KLHL32: variants seen among roughly 807,000 people sequenced by gnomAD.
KLHL32 encodes the protein kelch like family member 32, also known as kelch-like protein 32.
A neutral mutation model predicts 64.8 loss-of-function variants in KLHL32; 35 were observed. The observed-to-expected ratio is 0.54, with a 90% CI of 0.41 to 0.72. The LOEUF is 0.72. KLHL32 is among the 30% of genes least tolerant of loss of function. KLHL32 has a pLI of 0.00. For synonymous variants in KLHL32, 259 were observed against 281.0 expected, an observed-to-expected ratio of 0.92 and a Z score of 0.78; for missense variants, 589 against 768.5, an observed-to-expected ratio of 0.77 and a Z score of 2.76.
chr6:96,951,842 A>C (rs777158637), intron 1 of KLHL32, among the ~76,000 whole-genome samples: 1 of 152,120 alleles, frequency 6.6e-6, no homozygotes, highest in Non-Finnish European at 1.5e-5. Flanking sequence ...AACTGCTTTC[A>C]ATTATTTTAG....
intron 3 of KLHL32, among the ~76,000 whole-genome samples, chr6:97,023,043 A>G (rs1307652995): frequency 6.6e-6 from 1 of 152,204 alleles, no homozygotes; most frequent in Admixed American, 6.5e-5. Context: ...TGTCATGAGA[A>G]CATCATGGGG....
At chr6:96,926,411 A>G (rs1319656307) in intron 1 of KLHL32, among the ~76,000 whole-genome samples, 1 of 152,224 alleles carries the variant, frequency 6.6e-6, no homozygotes, top group African/African-American at 2.4e-5. Context: ...AACATTTTAC[A>G]TTACAGTGTA....
chr6:97,089,780 A>T (rs1424383116), intron 6 of KLHL32, among the ~76,000 whole-genome samples: 1 of 62,192 alleles, frequency 1.6e-5, no homozygotes, highest in Non-Finnish European at 3.6e-5. Flanking sequence ...ACTCCAGCTA[A>T]AAAAAAAAAA....
chr6:97,096,187 G>C (rs1348632220), intron 6 of KLHL32, among the ~76,000 whole-genome samples: 1 of 152,124 alleles, frequency 6.6e-6, no homozygotes, highest in Non-Finnish European at 1.5e-5. Context: ...TGAGTAAAGA[G>C]GTTAAAAGCC....
At chr6:97,057,412 G>T (rs1178437500) in intron 4 of KLHL32, among the ~76,000 whole-genome samples, 4 of 90,426 alleles carry the variant, frequency 4.4e-5, no homozygotes, top group Non-Finnish European at 6.1e-5. Flanking sequence ...TCGATCTCCT[G>T]ACCTCGTGAT....
intron 3 of KLHL32, among the ~76,000 whole-genome samples, chr6:97,005,142 A>G (rs1779501270): frequency 6.6e-6 from 1 of 151,982 alleles, no homozygotes; most frequent in South Asian, 2.1e-4. Flanking sequence ...GCTTTTTATT[A>G]CTGATTTAAT....
intron 1 of KLHL32, among the ~76,000 whole-genome samples, chr6:96,930,404 C>T (rs2127989775): frequency 6.6e-6 from 1 of 152,270 alleles, no homozygotes; most frequent in Non-Finnish European, 1.5e-5. Context: ...AGTTACATAT[C>T]CCCTCTAACT....
chr6:96,913,175 C>T, the KLHL32 span, among the ~76,000 whole-genome samples: 27 of 152,328 alleles, frequency 1.8e-4, no homozygotes, highest in Admixed American at 5.2e-4. Context: ...TTTGACAGTA[C>T]TGTCCAGTTT....
At position 97,140,738 on chromosome 6, in the gene KLHL32, A is replaced by ATCTT. The variant is rs1420617319; in HGVS notation, c.*1458_*1461dup. On this transcript the variant is annotated 3_prime_UTR_variant, in exon 11 of 11. Transcript: ENST00000369261. ...TTGTAATCAAAAGTGAATAAAAACGATCTTTTTGTCTTACAGAATTCACTA... is the reference window on the plus strand; with the variant it reads ...TTGTAATCAAAAGTGAATAAAAACGATCTTTCTTTTTGTCTTACAGAATTCACTA... 2 of 152,094 alleles carry ATCTT rather than the reference A, an allele frequency of 1.3e-5. No homozygotes were observed. The highest frequency in any genetic ancestry group is 4.8e-5 in the African/African-American group (2 of 41,580). The allele number at this position is 152,094 out of a possible 1,614,324, so 9.4% of individuals were successfully genotyped here. A position where few individuals can be genotyped will look rare whatever the true frequency, so the allele number is the denominator to read the frequency against.
intron 6 of KLHL32, among the ~76,000 whole-genome samples, chr6:97,088,847 A>G (rs1034541856): frequency 4.6e-5 from 7 of 152,246 alleles, no homozygotes; most frequent in African/African-American, 1.4e-4. Context: ...TTTCATTTCC[A>G]TAGGAAGTGC....
At chr6:96,976,273 A>AC in intron 3 of KLHL32, 96 bp downstream of exon 3, 2 of 1,192,866 alleles carry the variant, frequency 1.7e-6, no homozygotes, top group Non-Finnish European at 2.3e-6. Context: ...ATTAGGTGGT[A>AC]CCCCCAGAGC....
intron 6 of KLHL32, among the ~76,000 whole-genome samples, chr6:97,088,904 T>C (rs1422823793): frequency 6.6e-6 from 1 of 152,228 alleles, no homozygotes; most frequent in Non-Finnish European, 1.5e-5. Context: ...TCCTGCCTCT[T>C]CTGCCTTTAG....
chr6:96,989,098 G>A (rs944016386), intron 3 of KLHL32, among the ~76,000 whole-genome samples: 2 of 152,132 alleles, frequency 1.3e-5, no homozygotes, highest in Non-Finnish European at 2.9e-5. Flanking sequence ...AAAATTTAAA[G>A]TATAATAAAA....
At chr6:96,963,013 A>T (rs993843575) in intron 1 of KLHL32, among the ~76,000 whole-genome samples, 10 of 152,230 alleles carry the variant, frequency 6.6e-5, no homozygotes, top group African/African-American at 2.4e-4. Flanking sequence ...TGTTAAATGA[A>T]AACCACTATG....
intron 1 of KLHL32, among the ~76,000 whole-genome samples, chr6:96,943,152 A>G (rs1771530674): frequency 6.6e-6 from 1 of 152,112 alleles, no homozygotes; most frequent in Admixed American, 6.6e-5. Context: ...ACACACATAT[A>G]TACACATACA....
intron 5 of KLHL32, among the ~76,000 whole-genome samples, chr6:97,077,411 C>G (rs1462298726): frequency 6.6e-6 from 1 of 151,160 alleles, no homozygotes; most frequent in Non-Finnish European, 1.5e-5. Flanking sequence ...TTTTGGCAAA[C>G]AGTTTGCACA....
At chr6:96,913,293 T>C in the KLHL32 span, among the ~76,000 whole-genome samples, 1 of 152,224 alleles carries the variant, frequency 6.6e-6, no homozygotes, top group Admixed American at 6.5e-5. Flanking sequence ...TTATGGTCTA[T>C]CTGGTATTGG....
At chr6:97,052,599 G>A (rs1017283117) in intron 4 of KLHL32, among the ~76,000 whole-genome samples, 11 of 152,268 alleles carry the variant, frequency 7.2e-5, no homozygotes, top group Admixed American at 3.3e-4. Context: ...GTTGGTGACC[G>A]CCCTGTGTGT....
In KLHL32 at chr6:97,046,721, A is replaced by G. The variant is rs901188549; in HGVS notation, c.312+5122A>G. ...GTTGCAGTTTACTTGAGATTGTTGAACAGCTGCTTTCTCTTACTATGGAGT... is the reference window on the plus strand; with the variant it reads ...GTTGCAGTTTACTTGAGATTGTTGAGCAGCTGCTTTCTCTTACTATGGAGT... On this transcript the variant is annotated intron_variant, in intron 4 of 10. Coordinates refer to ENST00000369261, the MANE Select transcript of KLHL32 (RefSeq NM_052904.4). Among the ~76,000 whole-genome samples, 6 of 152,204 alleles carry G rather than the reference A, an allele frequency of 3.9e-5. 1 individual carries two copies. The South Asian group carries it at 1.2e-3, about 32-fold the overall frequency.
Sources: allele counts gnomAD v4.1 joint callset (sites outside exome capture counted in the v4.1 genomes callset), GRCh38; gene constraint gnomAD v4.1.1; transcripts MANE v1.5; gene names NCBI Gene and HGNC (gene_info 2026-07-23, HGNC 2026-07-21).